MSRB3: variants seen among roughly 807,000 people sequenced by gnomAD.
The protein encoded by MSRB3 is methionine-R-sulfoxide reductase B3.
Under a neutral mutation model 21.0 loss-of-function variants are expected in MSRB3, and 13 were observed. The ratio of observed to expected loss-of-function variants is 0.62; its 90% CI spans 0.40 to 0.98. The LOEUF is 0.98. Ranked by LOEUF, MSRB3 falls within the 50% of genes least tolerant of loss-of-function variation. The pLI, the probability that MSRB3 is intolerant of heterozygous loss-of-function variation, is 0.00. For synonymous variants in MSRB3, 87 were observed against 88.6 expected (o/e 0.98, Z 0.10); for missense variants, 199 against 230.3 (o/e 0.86, Z 0.88).
chr12:65,397,068 A>G (rs1879858506), intron 5 of MSRB3, among the ~76,000 whole-genome samples: 1 of 152,064 alleles, frequency 6.6e-6, no homozygotes, highest in African/African-American at 2.4e-5. Context: ...CACATTAAGG[A>G]TTGTTATGTC....
intron 4 of MSRB3, among the ~76,000 whole-genome samples, chr12:65,358,717 C>T (rs1877532317): frequency 2.0e-5 from 3 of 151,854 alleles, no homozygotes; most frequent in African/African-American, 7.3e-5. Context: ...TGGTAGGTGG[C>T]CTCTCTGCTT....
At chr12:65,405,357 T>A (rs1000170048) in intron 5 of MSRB3, among the ~76,000 whole-genome samples, 2 of 152,048 alleles carry the variant, frequency 1.3e-5, no homozygotes, top group Non-Finnish European at 2.9e-5. Flanking sequence ...GTCCTCTAGG[T>A]TCGTCTATGT....
At chr12:65,289,410 C>G (rs891731142) in intron 1 of MSRB3, among the ~76,000 whole-genome samples, 2 of 152,276 alleles carry the variant, frequency 1.3e-5, no homozygotes, top group East Asian at 1.9e-4. Context: ...AGGAGAATTG[C>G]TTGAACCGGG....
At chr12:65,384,792 G>T (rs1312989027) in intron 5 of MSRB3, among the ~76,000 whole-genome samples, 1 of 152,068 alleles carries the variant, frequency 6.6e-6, no homozygotes, top group Non-Finnish European at 1.5e-5. Flanking sequence ...CTAAGATTAT[G>T]TTTTCAATTA....
intron 5 of MSRB3, among the ~76,000 whole-genome samples, chr12:65,378,756 T>C (rs1019342573): frequency 6.6e-6 from 1 of 152,154 alleles, no homozygotes; most frequent in Non-Finnish European, 1.5e-5. Context: ...CCCAGAAGAC[T>C]GATGGATGAA....
chr12:65,466,184 T>G lies in MSRB3; in HGVS notation c.*2862T>G, dbSNP rs982414959. ...AGCCAGTTTTTCTTCTACCACATTT[T>G]CCAGGATCGACTTTAAGAAAAATGC... On this transcript the variant is annotated 3_prime_UTR_variant, in exon 7 of 7. Coordinates refer to ENST00000308259, the MANE Select transcript of MSRB3 (RefSeq NM_001031679.3). 2.0e-5 allele frequency: 3 copies of G among 152,184 alleles called. No individual in the cohort carries two copies. The highest frequency in any genetic ancestry group is 4.4e-5 in the Non-Finnish European group (3 of 68,032). The allele number at this position is 152,184 out of a possible 1,614,324, so 9.4% of individuals were successfully genotyped here. A position where few individuals can be genotyped will look rare whatever the true frequency, so the allele number is the denominator to read the frequency against.
chr12:65,361,572 G>T (rs191590763), intron 4 of MSRB3, among the ~76,000 whole-genome samples: 11 of 152,120 alleles, frequency 7.2e-5, no homozygotes, highest in Non-Finnish European at 1.5e-4. Context: ...GTTTCTTTGA[G>T]TCATTTTTAT....
rs763703739 is a variant in MSRB3, at chr12:65,328,615, G to A, written c.263+12G>A. On this transcript the variant is annotated intron_variant, in intron 4 of 6. Coordinates refer to ENST00000308259, the MANE Select transcript of MSRB3 (RefSeq NM_001031679.3). ...ACTCCATTGTTTAAGTAAGTATGTT[G>A]AAAACCTATAGGTATGGCTGTATCA... is the stretch of plus-strand genomic sequence containing the variant. The A allele has an allele frequency of 1.3e-5, 20 of 1,577,768 alleles. No individual in the cohort carries two copies. Among genetic ancestry groups the A allele is most frequent in the Non-Finnish European group, 1.7e-5 (19 of 1,147,360 alleles).
intron 5 of MSRB3, among the ~76,000 whole-genome samples, chr12:65,401,232 T>TA (rs966027271): frequency 6.6e-5 from 10 of 152,278 alleles, no homozygotes; most frequent in Middle Eastern, 6.8e-3. Flanking sequence ...CCACTATTAT[T>TA]GTATGGGAGT....
chr12:65,321,355 G>A lies in MSRB3; in HGVS notation c.77-5471G>A, dbSNP rs188470560. Among the ~76,000 whole-genome samples the A allele has an allele frequency of 2.8e-4, 42 of 152,244 alleles. No homozygotes were observed. In the East Asian group the frequency reaches 7.7e-3, roughly 28 times the overall value. On this transcript the variant is annotated intron_variant, in intron 2 of 6. Transcript: ENST00000308259. ...ATGTATATATCTTACTTAGCATAGTGTCTGACACTTTGTAAACACTCAACA... is the reference window on the plus strand; with the variant it reads ...ATGTATATATCTTACTTAGCATAGTATCTGACACTTTGTAAACACTCAACA...
intron 5 of MSRB3, among the ~76,000 whole-genome samples, chr12:65,371,187 G>A (rs1159512787): frequency 6.6e-6 from 1 of 152,016 alleles, no homozygotes; most frequent in Non-Finnish European, 1.5e-5. Context: ...AATTAGCTGG[G>A]CGTGGTGGCA....
intron 5 of MSRB3, among the ~76,000 whole-genome samples, chr12:65,438,006 T>C (rs189232875): frequency 6.6e-6 from 1 of 151,998 alleles, no homozygotes; most frequent in East Asian, 1.9e-4. Context: ...TTGTCCCTGA[T>C]GAGATAATTA....
chr12:65,311,346 T>C (rs755126266), intron 2 of MSRB3, among the ~76,000 whole-genome samples: 1 of 152,150 alleles, frequency 6.6e-6, no homozygotes, highest in Non-Finnish European at 1.5e-5. Context: ...ACTAGAATAG[T>C]ATTCCATAAT....
intron 4 of MSRB3, among the ~76,000 whole-genome samples, chr12:65,335,536 C>G (rs757538448): frequency 5.3e-5 from 8 of 152,152 alleles, no homozygotes; most frequent in African/African-American, 9.7e-5. Context: ...CTCAACTGTG[C>G]TACTTCATGC....
intron 6 of MSRB3, among the ~76,000 whole-genome samples, chr12:65,459,154 G>A (rs990673983): frequency 1.3e-5 from 2 of 152,104 alleles, no homozygotes; most frequent in African/African-American, 2.4e-5. Context: ...ATTTACCCAC[G>A]TTGGAGTCTA....
rs1351949365 is a variant in MSRB3 at position 65,328,595 on chromosome 12, A to G, written c.255A>G (p.Pro85=). Residue 85 remains proline, a synonymous_variant, in exon 4 of 7, where the codon CCA becomes CCG. Transcript: ENST00000308259. ...ATAAATGTGTTGTTTGTGGAACTCC[A>G]TTGTTTAAGTAAGTATGTTGAAAAC... ...GIYKCVVCGT[P]LFKSETKFDS... The G allele has an allele frequency of 1.9e-6, 3 of 1,608,882 alleles. No homozygotes were observed. The Admixed American group carries it at 5.0e-5, about 27-fold the overall frequency.
At chr12:65,451,074 G>A (rs1238405471) in intron 5 of MSRB3, among the ~76,000 whole-genome samples, 1 of 152,140 alleles carries the variant, frequency 6.6e-6, no homozygotes, top group Non-Finnish European at 1.5e-5. Context: ...GCCAAAGTTA[G>A]CCATGATTCT....
intron 5 of MSRB3, among the ~76,000 whole-genome samples, chr12:65,385,777 C>T (rs1879168106): frequency 6.6e-6 from 1 of 151,898 alleles, no homozygotes; most frequent in Admixed American, 6.6e-5. Flanking sequence ...CTTCTGCCAT[C>T]TTGTTTCCTC....
chr12:65,359,837 C>T (rs1210974388), intron 4 of MSRB3, among the ~76,000 whole-genome samples: 1 of 152,042 alleles, frequency 6.6e-6, no homozygotes, highest in African/African-American at 2.4e-5. Flanking sequence ...AGGTTTTTGG[C>T]TTTTATTGGA....
Sources: allele counts gnomAD v4.1 joint callset (sites outside exome capture counted in the v4.1 genomes callset), GRCh38; gene constraint gnomAD v4.1.1; transcripts MANE v1.5; gene names NCBI Gene and HGNC (gene_info 2026-07-23, HGNC 2026-07-21).